Variants in PROX1 observed in about 807,000 individuals in gnomAD.
The protein encoded by PROX1 is prospero homeobox protein 1.
Under a neutral mutation model 58.8 loss-of-function variants are expected in PROX1, and 7 were observed. The observed-to-expected ratio is 0.12, with a 90% CI of 0.07 to 0.22. The LOEUF is 0.22. Among genes scored for constraint, PROX1 ranks in the 10% least tolerant of loss-of-function variants. PROX1 has a pLI of 1.00. For missense variants in PROX1, 675 were observed against 927.8 expected, an observed-to-expected ratio of 0.73 and a Z score of 3.54; for synonymous variants, 350 against 358.3, an observed-to-expected ratio of 0.98 and a Z score of 0.26.
chr1:213,987,579 C>A (rs915388398), upstream of PROX1: 1 of 149,552 alleles, frequency 6.7e-6, no homozygotes, highest in African/African-American at 2.5e-5. Context: ...AAAAAAAAGA[C>A]CTGCGTCCTG....
chr1:214,035,637 T>C lies in PROX1; in HGVS notation c.2029-12T>C, dbSNP rs1472334415. On this transcript the variant is annotated splice_polypyrimidine_tract_variant and intron_variant, in intron 4 of 4. Coordinates refer to ENST00000366958, the MANE Select transcript of PROX1 (RefSeq NM_001270616.2). ...AAACTTTATTAATGCCATTGTCTCCTTGTATCAGCAGGTTCCAGAGAGATT... is the reference window on the plus strand; with the variant it reads ...AAACTTTATTAATGCCATTGTCTCCCTGTATCAGCAGGTTCCAGAGAGATT... 8 of 1,601,912 alleles carry C rather than the reference T, an allele frequency of 5.0e-6. No individual in the cohort carries two copies. Among genetic ancestry groups the C allele is most frequent in the African/African-American group, 1.3e-5 (1 of 74,504 alleles).
intron 4 of PROX1, among the ~76,000 whole-genome samples, chr1:214,013,848 T>C (rs1357733621): frequency 6.6e-6 from 1 of 152,220 alleles, no homozygotes; most frequent in Non-Finnish European, 1.5e-5. Flanking sequence ...AGGAATTTTG[T>C]CACTTCTCAT....
upstream of PROX1, chr1:213,987,845 C>G (rs1259322561): frequency 6.6e-6 from 1 of 151,228 alleles, no homozygotes; most frequent in Non-Finnish European, 1.5e-5. Flanking sequence ...TTGCTATCCC[C>G]CCTTGAATCC....
intron 3 of PROX1, among the ~76,000 whole-genome samples, chr1:214,008,419 ACAAC>A (rs1558177234): frequency 7.2e-6 from 1 of 139,310 alleles, no homozygotes; most frequent in African/African-American, 2.8e-5. Context: ...AACAACAACA[ACAAC>A]AACAAAAAAA....
chr1:214,006,544 T>C (rs1260881095), intron 3 of PROX1, among the ~76,000 whole-genome samples: 1 of 152,106 alleles, frequency 6.6e-6, no homozygotes, highest in Non-Finnish European at 1.5e-5. Flanking sequence ...TAAGACTAAG[T>C]GAGCACAAAC....
At chr1:214,011,134 TG>T in intron 3 of PROX1, among the ~76,000 whole-genome samples, 1 of 152,158 alleles carries the variant, frequency 6.6e-6, no homozygotes. Flanking sequence ...ACATCACCTC[TG>T]GTACATGGGA....
intron 4 of PROX1, among the ~76,000 whole-genome samples, chr1:214,034,952 TA>T (rs1664780867): frequency 8.7e-6 from 1 of 114,396 alleles, no homozygotes; most frequent in African/African-American, 5.5e-5. Flanking sequence ...TAGTTTGTAT[TA>T]TTATTATTAT....
intron 2 of PROX1, among the ~76,000 whole-genome samples, chr1:214,002,961 T>C (rs1663576085): frequency 6.6e-6 from 1 of 152,226 alleles, no homozygotes; most frequent in East Asian, 1.9e-4. Context: ...AATTCTGTGT[T>C]CCATTTCAAC....
upstream of PROX1, among the ~76,000 whole-genome samples, chr1:213,987,039 A>G (rs755947175): frequency 6.6e-6 from 1 of 152,232 alleles, no homozygotes; most frequent in Non-Finnish European, 1.5e-5. Flanking sequence ...TAAATCCTGT[A>G]TTGAACAGCT....
chr1:213,998,352 AGT>A, intron 2 of PROX1, 92 bp downstream of exon 2: 3 of 1,368,004 alleles, frequency 2.2e-6, no homozygotes, highest in East Asian at 4.7e-5. Flanking sequence ...AATGTAGATT[AGT>A]ATCTTCTTAA....
At chr1:214,018,944 G>A (rs1313260411) in intron 4 of PROX1, among the ~76,000 whole-genome samples, 2 of 152,172 alleles carry the variant, frequency 1.3e-5, no homozygotes, top group African/African-American at 4.8e-5. Context: ...TTCATGAGAA[G>A]CAATGAAAAG....
chr1:214,033,174 AC>A, intron 4 of PROX1, among the ~76,000 whole-genome samples: 1 of 152,130 alleles, frequency 6.6e-6, no homozygotes, highest in South Asian at 2.1e-4. Context: ...AGCTGCCCAC[AC>A]CTTCACCCCT....
chr1:213,989,483 G>A (rs889857019), intron 1 of PROX1, among the ~76,000 whole-genome samples: 1 of 152,024 alleles, frequency 6.6e-6, no homozygotes, highest in African/African-American at 2.4e-5. Flanking sequence ...GGGCAGCTTC[G>A]GTCTGGTCTC....
chr1:214,007,046 G>A (rs2102720527), intron 3 of PROX1, among the ~76,000 whole-genome samples: 1 of 152,204 alleles, frequency 6.6e-6, no homozygotes, highest in East Asian at 1.9e-4. Context: ...ATCATTTTTT[G>A]TGAGAGTTCA....
rs578078086 is a variant in PROX1, at chr1:214,041,160, A to T, written c.*5326A>T. The stretch of plus-strand genomic sequence containing the variant: ...TACCACTTAAAGGATACAGTAGTCC[A>T]ATTGCCTTGTGTGCCTTCCATCTCC... On this transcript the variant is annotated 3_prime_UTR_variant, in exon 5 of 5. Transcript: ENST00000366958. The T allele has an allele frequency of 6.6e-6, 1 of 152,262 alleles. No individual in the cohort carries two copies. The highest frequency in any genetic ancestry group is 1.5e-5 in the Non-Finnish European group (1 of 67,996). 9.4% of individuals were successfully genotyped at this position (152,262 alleles called of 1,614,324 possible). A position where few individuals can be genotyped will look rare whatever the true frequency, so the allele number is the denominator to read the frequency against.
chr1:213,996,257 A>AT (rs539478260), intron 1 of PROX1, among the ~76,000 whole-genome samples: 2 of 151,546 alleles, frequency 1.3e-5, no homozygotes, highest in Admixed American at 6.6e-5. Flanking sequence ...TTTTTGCTTA[A>AT]TTTTTTTTTA....
chr1:214,018,897 G>C (rs191189215), intron 4 of PROX1, among the ~76,000 whole-genome samples: 1 of 152,154 alleles, frequency 6.6e-6, no homozygotes, highest in Non-Finnish European at 1.5e-5. Flanking sequence ...ATACCAAAAA[G>C]GGGGTCATAA....
Position 214,038,225 on chromosome 1 carries a change from G to A in PROX1, c.*2391G>A, listed in dbSNP as rs1204616677. ...ACTGAGGCATAGAAATTATTTCAGA[G>A]TAGAAATTGCAGCATGAGGATAAAC... On this transcript the variant is annotated 3_prime_UTR_variant, in exon 5 of 5. Coordinates refer to ENST00000366958, the MANE Select transcript of PROX1 (RefSeq NM_001270616.2). The A allele has an allele frequency of 6.6e-6, 1 of 152,156 alleles. No individual in the cohort carries two copies. The highest frequency in any genetic ancestry group is 1.5e-5 in the Non-Finnish European group (1 of 68,030). The allele number at this position is 152,156 out of a possible 1,614,324, so 9.4% of individuals were successfully genotyped here. A position where few individuals can be genotyped will look rare whatever the true frequency, so the allele number is the denominator to read the frequency against.
At chr1:213,991,515 T>C (rs1040545453) in intron 1 of PROX1, among the ~76,000 whole-genome samples, 6 of 152,234 alleles carry the variant, frequency 3.9e-5, no homozygotes, top group Admixed American at 3.9e-4. Flanking sequence ...TCATTTGCTT[T>C]ATTTTTAATA....
Sources: gnomAD v4.1 joint callset for allele counts (sites outside exome capture counted in the v4.1 genomes callset) on GRCh38, gnomAD v4.1.1 for gene constraint, MANE v1.5 for transcripts, NCBI Gene and HGNC (gene_info 2026-07-23, HGNC 2026-07-21) for gene names.